The following TPO variants were observed in gnomAD, a reference collection of about 807,000 sequenced individuals.
TPO encodes the protein thyroid peroxidase, also known as thyroid microsomal antigen.
Under a neutral mutation model 96.9 loss-of-function variants are expected in TPO, and 78 were observed. That is an observed-to-expected ratio of 0.81 (90% CI 0.67 to 0.97). TPO has a LOEUF of 0.97. Among genes scored for constraint, TPO ranks in the 50% least tolerant of loss-of-function variants. The probability of loss-of-function intolerance (pLI) is 0.00; values close to 1 mark genes in which losing one functional copy is unlikely to be tolerated. For missense variants in TPO, 1,252 were observed against 1,274.8 expected, an observed-to-expected ratio of 0.98 and a Z score of 0.27; for synonymous variants, 547 against 538.0, an observed-to-expected ratio of 1.02 and a Z score of -0.23.
rs1672291767 is a variant in TPO, at chr2:1,495,978, C to T, written c.2007-11C>T. On this transcript the variant is annotated splice_polypyrimidine_tract_variant and intron_variant, in intron 11 of 16. Coordinates refer to ENST00000329066, the MANE Select transcript of TPO (RefSeq NM_001206744.2). ...GCACTGTGACCTTACTCACTGTCTC[C>T]TTCTCTGGAGGTTTTGGTGGGAGAA... is the stretch of plus-strand genomic sequence containing the variant. 6.3e-7 allele frequency: 1 copy of T among 1,584,722 alleles called. No individual in the cohort carries two copies. Among genetic ancestry groups the T allele is most frequent in the Non-Finnish European group, 8.5e-7 (1 of 1,178,562 alleles).
intron 15 of TPO, among the ~76,000 whole-genome samples, chr2:1,535,367 TGCAACCTCCTCAAATCTCCCCACTGTGA>T (rs1303490910): frequency 6.3e-5 from 3 of 47,490 alleles, no homozygotes; most frequent in Admixed American, 3.3e-4. Context: ...CCCCACTGTG[TGCAACCTCCTCAAATCTCCCCACTGTGA>T]GCAACCTCCC....
chr2:1,412,128 C>T (rs997863225), upstream of TPO, among the ~76,000 whole-genome samples: 6 of 152,216 alleles, frequency 3.9e-5, no homozygotes, highest in Admixed American at 6.5e-5. Context: ...GCTCACTGCC[C>T]GCCTGTGCCA....
chr2:1,441,874 C>A (rs531315942), intron 5 of TPO, among the ~76,000 whole-genome samples: 25 of 152,276 alleles, frequency 1.6e-4, no homozygotes, highest in African/African-American at 6.0e-4. Flanking sequence ...TGCTCCATGG[C>A]GGGATGGTGA....
intron 5 of TPO, chr2:1,439,111 G>A (rs1173530537): frequency 2.1e-5 from 9 of 426,228 alleles, no homozygotes; most frequent in East Asian, 3.8e-5. Flanking sequence ...TCAGCCGGCA[G>A]CAGTGAGTTC....
intron 5 of TPO, among the ~76,000 whole-genome samples, chr2:1,436,653 A>G (rs990256103): frequency 2.0e-5 from 3 of 151,944 alleles, no homozygotes; most frequent in East Asian, 1.9e-4. Context: ...CACAAATTCC[A>G]CCGCCCTTCA....
intron 15 of TPO, among the ~76,000 whole-genome samples, chr2:1,535,776 C>A (rs553991628): frequency 1.1e-5 from 1 of 89,122 alleles, no homozygotes; most frequent in Non-Finnish European, 2.4e-5. Context: ...CCCGAAATCC[C>A]CCCAACTCTG....
At chr2:1,436,466 C>A in intron 5 of TPO, 82 bp downstream of exon 5, 1 of 1,595,824 alleles carries the variant, frequency 6.3e-7, no homozygotes, top group Non-Finnish European at 8.5e-7. Flanking sequence ...GAACTTCTAC[C>A]ACCACTGGTG....
chr2:1,438,995 T>A, intron 5 of TPO: 1 of 599,396 alleles, frequency 1.7e-6, no homozygotes, highest in Non-Finnish European at 3.0e-6. Flanking sequence ...TGAACCTTTC[T>A]TTGGTTTGAT....
At chr2:1,422,920 G>C (rs1370090464) in intron 2 of TPO, 125 bp from the exon 3 acceptor site, 1 of 996,206 alleles carries the variant, frequency 1.0e-6, no homozygotes. Flanking sequence ...GGACCTGGCT[G>C]CCTGCCTGTC....
At position 1,450,793 on chromosome 2, in the gene TPO, T is replaced by C. The variant is rs555714060; in HGVS notation, c.483-2901T>C. On this transcript the variant is annotated intron_variant, in intron 5 of 16. Coordinates refer to ENST00000329066, the MANE Select transcript of TPO (RefSeq NM_001206744.2). ...GCAGTTAAATTAACATTATTTTTAA[T>C]TGAGTAATCTAACACCTCCCTATGA... Among the ~76,000 whole-genome samples the C allele has an allele frequency of 1.8e-4, 28 of 152,352 alleles. No individual in the cohort carries two copies. In the East Asian group the frequency reaches 5.0e-3, roughly 27 times the overall value.
At chr2:1,394,524 C>T (rs990727516) in intron 1 of TPO, among the ~76,000 whole-genome samples, 1 of 152,202 alleles carries the variant, frequency 6.6e-6, no homozygotes, top group Non-Finnish European at 1.5e-5. Flanking sequence ...ACAGACGTCT[C>T]CAGGAATGCT....
rs559960396 is a variant in TPO at position 1,524,189 on chromosome 2, A to G, written c.2618+7207A>G. The stretch of plus-strand genomic sequence containing the variant: ...CTGTGTGCAACCTCCTCAAATCCCC[A>G]TCCTGTGTGCAACCTCCTCAAATCC... On this transcript the variant is annotated intron_variant, in intron 15 of 16. Coordinates refer to ENST00000329066, the MANE Select transcript of TPO (RefSeq NM_001206744.2). 7.4e-5 allele frequency among the ~76,000 whole-genome samples: 4 copies of G among 54,088 alleles called. 1 individual carries two copies. The highest frequency in any genetic ancestry group is 3.2e-4 in the African/African-American group (4 of 12,664). 35.5% of individuals were successfully genotyped at this position (54,088 alleles called of 152,430 possible). A position where few individuals can be genotyped will look rare whatever the true frequency, so the allele number is the denominator to read the frequency against.
At position 1,493,296 on chromosome 2, in the gene TPO, C is replaced by T. The variant is rs1430359098; in HGVS notation, c.1769-506C>T. ...AGAGGATGCAGAGCTGTGTCAGTTGCCCTGTAGAGGCAAGAACTAAGTGCA... is the reference window on the plus strand; with the variant it reads ...AGAGGATGCAGAGCTGTGTCAGTTGTCCTGTAGAGGCAAGAACTAAGTGCA... On this transcript the variant is annotated intron_variant, in intron 10 of 16. Transcript: ENST00000329066. Among the ~76,000 whole-genome samples the T allele has an allele frequency of 2.0e-5, 3 of 150,694 alleles. No homozygotes were observed. In the East Asian group the frequency reaches 5.9e-4, roughly 30 times the overall value.
chr2:1,431,249 C>T (rs956606750), intron 3 of TPO, among the ~76,000 whole-genome samples: 10 of 152,050 alleles, frequency 6.6e-5, no homozygotes, highest in East Asian at 1.9e-4. Flanking sequence ...GGTTGTTTTA[C>T]GTTGTGTGGC....
chr2:1,425,827 A>C (rs1315973098), intron 3 of TPO, among the ~76,000 whole-genome samples: 7 of 151,640 alleles, frequency 4.6e-5, no homozygotes, highest in African/African-American at 1.7e-4. Flanking sequence ...CTGTAAAGTC[A>C]TTGTTCTAGA....
At chr2:1,408,808 C>T (rs1192391584), upstream of TPO, among the ~76,000 whole-genome samples, 1 of 152,202 alleles carries the variant, frequency 6.6e-6, no homozygotes, top group Non-Finnish European at 1.5e-5. Context: ...AAGCATCCAT[C>T]AGCAATTTAA....
intron 1 of TPO, among the ~76,000 whole-genome samples, chr2:1,381,278 A>G (rs548495199): frequency 6.6e-6 from 1 of 152,352 alleles, no homozygotes; most frequent in South Asian, 2.1e-4. Context: ...CAAAGGGCTA[A>G]TATCCAGAAT....
At chr2:1,515,884 A>T (rs1452358164) in intron 14 of TPO, among the ~76,000 whole-genome samples, 1 of 151,850 alleles carries the variant, frequency 6.6e-6, no homozygotes, top group African/African-American at 2.4e-5. Flanking sequence ...ATCCAGGGCG[A>T]CCCATGTTTG....
At chr2:1,406,472 C>T (rs1662252217) in intron 1 of TPO, among the ~76,000 whole-genome samples, 1 of 152,254 alleles carries the variant, frequency 6.6e-6, no homozygotes, top group Non-Finnish European at 1.5e-5. Flanking sequence ...AGGTCCTTCT[C>T]TGCTTCCAGA....
Sources: allele counts gnomAD v4.1 joint callset (sites outside exome capture counted in the v4.1 genomes callset), GRCh38; gene constraint gnomAD v4.1.1; transcripts MANE v1.5; gene names NCBI Gene and HGNC (gene_info 2026-07-23, HGNC 2026-07-21).